The following SOX6 variants were observed in gnomAD, a reference collection of about 807,000 sequenced individuals.
SOX6 encodes the protein SRY-box transcription factor 6.
Under a neutral mutation model 97.8 loss-of-function variants are expected in SOX6, and 11 were observed. That is an observed-to-expected ratio of 0.11 (90% confidence interval 0.07 to 0.19). The LOEUF (loss-of-function observed/expected upper bound fraction) is 0.19, where lower values mean the gene tolerates loss of function less well. Ranked by LOEUF, SOX6 falls within the 10% of genes least tolerant of loss-of-function variation. SOX6 has a pLI of 1.00. For missense variants in SOX6, 810 were observed against 1,039.5 expected (o/e 0.78, Z 3.04); for synonymous variants, 360 against 371.4 (o/e 0.97, Z 0.35).
chr11:16,095,918 A>T, intron 9 of SOX6, 78 bp downstream of exon 9: 2 of 1,422,286 alleles, frequency 1.4e-6, no homozygotes, highest in Non-Finnish European at 1.9e-6. Flanking sequence ...CCACTTTAAA[A>T]AAAAAAAAAA....
At chr11:16,440,069 G>A (rs954962254) in intron 1 of SOX6, among the ~76,000 whole-genome samples, 4 of 152,138 alleles carry the variant, frequency 2.6e-5, no homozygotes, top group African/African-American at 9.7e-5. Flanking sequence ...ACATAACCTC[G>A]AGGCTAAGCT....
chr11:16,233,545 C>T (rs1852921755), intron 4 of SOX6, among the ~76,000 whole-genome samples: 2 of 152,088 alleles, frequency 1.3e-5, no homozygotes, highest in South Asian at 4.1e-4. Context: ...GAAATTTGAG[C>T]TTTATCAACA....
At chr11:16,577,584 T>C (rs1847995329) in intron 4 of SOX6, among the ~76,000 whole-genome samples, 1 of 152,180 alleles carries the variant, frequency 6.6e-6, no homozygotes, top group East Asian at 1.9e-4. Context: ...TTTGCCAACA[T>C]TTTTTAGTTT....
rs79730910 is a variant in SOX6, at chr11:16,471,236, A to G, written c.-5+5079T>C. Among the ~76,000 whole-genome samples the G allele has an allele frequency of 8.5e-3, 1,291 of 152,288 alleles. 21 individuals are homozygous for G. Among genetic ancestry groups the G allele is most frequent in the African/African-American group, 0.028 (1,177 of 41,578 alleles). On this transcript the variant is annotated intron_variant, in intron 1 of 15. Coordinates refer to the SOX6 transcript ENST00000396356. ...AATCTTCCACAATGCTTACTTTAGG[A>G]AAAGAAAAAAAGGAAGTTTTACTTT...
intron 2 of SOX6, among the ~76,000 whole-genome samples, chr11:16,722,008 C>T (rs1359248497): frequency 6.6e-6 from 1 of 151,780 alleles, no homozygotes; most frequent in Non-Finnish European, 1.5e-5. Context: ...GAAGCTGGAC[C>T]CCTTCCTTAC....
intron 2 of SOX6, among the ~76,000 whole-genome samples, chr11:16,325,946 T>C (rs1856074257): frequency 6.6e-6 from 1 of 152,164 alleles, no homozygotes; most frequent in Non-Finnish European, 1.5e-5. Flanking sequence ...GGTGTCGTCT[T>C]GGAAGCAGAG....
chr11:16,674,380 G>A (rs931104633), intron 3 of SOX6, among the ~76,000 whole-genome samples: 1 of 151,960 alleles, frequency 6.6e-6, no homozygotes, highest in Admixed American at 6.6e-5. Context: ...CAAAAAACTG[G>A]GTATGGTAGG....
At chr11:16,581,576 G>A (rs1848032728) in intron 4 of SOX6, among the ~76,000 whole-genome samples, 1 of 152,160 alleles carries the variant, frequency 6.6e-6, no homozygotes, top group South Asian at 2.1e-4. Flanking sequence ...CAAACCTGAA[G>A]GTTCTGCACA....
intron 2 of SOX6, among the ~76,000 whole-genome samples, chr11:16,720,175 C>T (rs891576639): frequency 6.6e-6 from 1 of 151,640 alleles, no homozygotes; most frequent in African/African-American, 2.4e-5. Flanking sequence ...CCATTTGACC[C>T]AGCCATCCCA....
At chr11:16,286,414 C>G (rs1854744243) in intron 3 of SOX6, among the ~76,000 whole-genome samples, 1 of 152,118 alleles carries the variant, frequency 6.6e-6, no homozygotes, top group Non-Finnish European at 1.5e-5. Context: ...ATTTACTAAA[C>G]TGCAGGCCAA....
chr11:16,197,653 T>C (rs1851818668), intron 4 of SOX6, among the ~76,000 whole-genome samples: 2 of 152,242 alleles, frequency 1.3e-5, no homozygotes, highest in East Asian at 1.9e-4. Flanking sequence ...CTGGGTAAAA[T>C]AGGTGCTGCC....
intron 4 of SOX6, among the ~76,000 whole-genome samples, chr11:16,518,526 T>A (rs1467638559): frequency 6.6e-6 from 1 of 152,212 alleles, no homozygotes; most frequent in African/African-American, 2.4e-5. Flanking sequence ...GGGAGAAGAC[T>A]TGTCTTATTT....
intron 1 of SOX6, among the ~76,000 whole-genome samples, chr11:16,435,297 G>T (rs1859354422): frequency 6.6e-6 from 1 of 152,078 alleles, no homozygotes; most frequent in Non-Finnish European, 1.5e-5. Context: ...GTTAGCCTTA[G>T]AACATATTTT....
intron 3 of SOX6, among the ~76,000 whole-genome samples, chr11:16,624,212 G>A (rs1313085539): frequency 3.3e-5 from 1 of 30,386 alleles, no homozygotes; most frequent in Non-Finnish European, 9.6e-5. Context: ...TTATTGAGAT[G>A]GAGTCTTGCT....
chr11:16,416,977 G>A (rs1418162332), intron 1 of SOX6, among the ~76,000 whole-genome samples: 2 of 152,116 alleles, frequency 1.3e-5, no homozygotes, highest in Non-Finnish European at 2.9e-5. Flanking sequence ...AACTCCCCAT[G>A]TAAATTTGAT....
intron 15 of SOX6, among the ~76,000 whole-genome samples, chr11:15,978,871 T>G (rs1219074530): frequency 1.5e-5 from 2 of 136,670 alleles, no homozygotes; most frequent in Non-Finnish European, 3.1e-5. Flanking sequence ...ATATATAACA[T>G]ATAAGCATTA....
chr11:16,452,170 G>T (rs1289653198), intron 1 of SOX6, among the ~76,000 whole-genome samples: 1 of 152,008 alleles, frequency 6.6e-6, no homozygotes, highest in Non-Finnish European at 1.5e-5. Flanking sequence ...TCCTCTTGAA[G>T]TATGTCACAG....
At chr11:16,419,976 T>A (rs1590196279) in intron 1 of SOX6, among the ~76,000 whole-genome samples, 1 of 152,314 alleles carries the variant, frequency 6.6e-6, no homozygotes, top group Non-Finnish European at 1.5e-5. Flanking sequence ...TTTCTTAGAT[T>A]TCTCAAAGTG....
chr11:16,479,465 G>C (rs1046492704), upstream of SOX6, among the ~76,000 whole-genome samples: 1 of 151,644 alleles, frequency 6.6e-6, no homozygotes, highest in African/African-American at 2.4e-5. Flanking sequence ...GGGAGGCGGA[G>C]GTTACAGTGA....
Sources: allele counts gnomAD v4.1 joint callset (sites outside exome capture counted in the v4.1 genomes callset), GRCh38; gene constraint gnomAD v4.1.1; transcripts MANE v1.5; gene names NCBI Gene and HGNC (gene_info 2026-07-23, HGNC 2026-07-21).